The following MYO7B variants were observed in gnomAD, a reference collection of about 807,000 sequenced individuals.
MYO7B encodes myosin VIIB, also known as unconventional myosin-VIIb.
MYO7B carries 212 observed loss-of-function variants against 259.7 expected under a neutral mutation model. The ratio of observed to expected loss-of-function variants is 0.82; its 90% CI spans 0.73 to 0.91. The LOEUF is 0.91. Ranked by LOEUF, MYO7B falls within the 40% of genes least tolerant of loss-of-function variation. The probability of loss-of-function intolerance (pLI) is 0.00; values close to 1 mark genes in which losing one functional copy is unlikely to be tolerated. For synonymous variants in MYO7B, 1,197 were observed against 1,166.4 expected (o/e 1.03, Z -0.54); for missense variants, 2,732 against 2,813.5 (o/e 0.97, Z 0.66).
In MYO7B at chr2:127,578,304, C is replaced by G. The variant is rs76814301; in HGVS notation, c.1003+18C>G. The G allele has an allele frequency of 7.5e-4, 1,205 of 1,613,172 alleles. 7 individuals are homozygous for G. In the African/African-American group the frequency reaches 0.014, roughly 19 times the overall value. On this transcript the variant is annotated intron_variant, in intron 9 of 47. Transcript: ENST00000409816. Reference sequence around the variant, plus strand: ...GTTCATGGGTAATGCCGGTTCTGCCCCAACTGCACCCTTGGGGAGGGAGAG... The same window carrying G: ...GTTCATGGGTAATGCCGGTTCTGCCGCAACTGCACCCTTGGGGAGGGAGAG...
Position 127,588,501 on chromosome 2 carries a change from C to T in MYO7B, c.1800C>T (p.Thr600=). The T allele has an allele frequency of 6.2e-7, 1 of 1,613,256 alleles. No individual in the cohort carries two copies. ...TATTCAACTTGGAGTTAGCAGAGAC[C>T]AAGCTGGGCCATGGGACCATCCGCC... ...REIFNLELAE[T]KLGHGTIRQA... The change falls in exon 15 of 48, where the codon ACC becomes ACT. Residue 600 remains threonine, a synonymous_variant. Coordinates refer to ENST00000409816, the MANE Select transcript of MYO7B (RefSeq NM_001393586.1).
chr2:127,602,813 A>G (rs536927198), intron 19 of MYO7B, among the ~76,000 whole-genome samples: 11 of 152,302 alleles, frequency 7.2e-5, no homozygotes, highest in African/African-American at 2.6e-4. Flanking sequence ...AGCCTGAGCA[A>G]CATGGTGAAA....
chr2:127,606,709 T>C (rs1422658464), intron 20 of MYO7B, among the ~76,000 whole-genome samples: 1 of 152,238 alleles, frequency 6.6e-6, no homozygotes, highest in East Asian at 1.9e-4. Context: ...GCCCAGGGAC[T>C]GCTGTGGCCC....
chr2:127,570,624 T>G (rs1166098778), intron 6 of MYO7B, among the ~76,000 whole-genome samples: 2 of 152,214 alleles, frequency 1.3e-5, no homozygotes, highest in Admixed American at 1.3e-4. Context: ...ATAGTAAATA[T>G]TCACCTTTTT....
intron 42 of MYO7B, 77 bp from the exon 43 acceptor site, chr2:127,635,043 G>C: frequency 9.4e-6 from 11 of 1,174,684 alleles, no homozygotes; most frequent in Non-Finnish European, 1.4e-5. Flanking sequence ...GGCAGGCGCA[G>C]TGTGGGGGGT....
intron 26 of MYO7B, among the ~76,000 whole-genome samples, chr2:127,617,494 T>TCA (rs1680618276): frequency 1.6e-5 from 2 of 125,666 alleles, no homozygotes; most frequent in African/African-American, 6.4e-5. Context: ...GGGGTTTTTT[T>TCA]TTTTTTTTTT....
In MYO7B at chr2:127,559,812, G is replaced by A. The variant is rs571733176; in HGVS notation, c.18+72G>A. 1.6e-5 allele frequency: 25 copies of A among 1,526,956 alleles called. No individual in the cohort carries two copies. In the African/African-American group the frequency reaches 3.4e-4, roughly 21 times the overall value. The allele number at this position is 1,526,956 out of a possible 1,614,324, so 94.6% of individuals were successfully genotyped here. ...CAAGGCCAAGTTGAATCGCTCCCAAGGAAAGAGAGGAAAGGCAATGAGACC... is the reference window on the plus strand; with the variant it reads ...CAAGGCCAAGTTGAATCGCTCCCAAAGAAAGAGAGGAAAGGCAATGAGACC... On this transcript the variant is annotated intron_variant, in intron 2 of 47. Transcript: ENST00000409816. This position sits in a 1 kb window ranked among gnomAD's most constrained non-coding sequence, Gnocchi z 4.1.
chr2:127,577,175 G>A lies in MYO7B; in HGVS notation c.849+467G>A, dbSNP rs566906308. ...GCACCACAGCCATCGCTCATTAGCTGAGGCTCCCTGGCCCTCAGGAGAACT... is the reference window on the plus strand; with the variant it reads ...GCACCACAGCCATCGCTCATTAGCTAAGGCTCCCTGGCCCTCAGGAGAACT... On this transcript the variant is annotated intron_variant, in intron 8 of 47. Coordinates refer to ENST00000409816, the MANE Select transcript of MYO7B (RefSeq NM_001393586.1). This position sits in a 1 kb window ranked among gnomAD's most constrained non-coding sequence, Gnocchi z 5.2. 1.7e-4 allele frequency among the ~76,000 whole-genome samples: 26 copies of A among 152,164 alleles called. No homozygotes were observed. The highest frequency in any genetic ancestry group is 7.2e-4 in the Admixed American group (11 of 15,286).
rs1446627454 is a variant in MYO7B at position 127,585,836 on chromosome 2, G to A, written c.1690+923G>A. 1.3e-5 allele frequency among the ~76,000 whole-genome samples: 2 copies of A among 152,164 alleles called. No homozygotes were observed. Among genetic ancestry groups the A allele is most frequent in the Admixed American group, 6.5e-5 (1 of 15,280 alleles). ...CCCCCGATGGCTAATGATGTTGATCGCCTTTTCATATGCTTCTTGGCCATT... is the reference window on the plus strand; with the variant it reads ...CCCCCGATGGCTAATGATGTTGATCACCTTTTCATATGCTTCTTGGCCATT... On this transcript the variant is annotated intron_variant, in intron 14 of 47. Coordinates refer to ENST00000409816, the MANE Select transcript of MYO7B (RefSeq NM_001393586.1). This position sits in a 1 kb window ranked among gnomAD's most constrained non-coding sequence, Gnocchi z 4.3.
At chr2:127,544,781 C>T (rs1373943971) in intron 1 of MYO7B, among the ~76,000 whole-genome samples, 2 of 151,854 alleles carry the variant, frequency 1.3e-5, no homozygotes, top group Non-Finnish European at 2.9e-5. Context: ...GGGGTTTCAC[C>T]GTATTAGCCA....
intron 24 of MYO7B, among the ~76,000 whole-genome samples, chr2:127,610,400 G>T (rs1478433951): frequency 1.3e-5 from 2 of 152,182 alleles, no homozygotes; most frequent in East Asian, 1.9e-4. Context: ...ACCCTACAAG[G>T]TAGGGATGAC....
At chr2:127,631,852 C>A in intron 38 of MYO7B, 99 bp downstream of exon 38, 1 of 1,431,320 alleles carries the variant, frequency 7.0e-7, no homozygotes, top group Non-Finnish European at 9.4e-7. Flanking sequence ...CAGCTGGTGG[C>A]GGCAGAACCC....
chr2:127,625,391 G>A lies in MYO7B; in HGVS notation c.4071G>A (p.Leu1357=). ...FEKEEELVEL[L]ARHCYVQLGA... ...AGGAGGAAGAGCTGGTTGAGCTGCTGGCCCGGCACTGCTACGTGCAGCTCG... is the reference window on the plus strand; with the variant it reads ...AGGAGGAAGAGCTGGTTGAGCTGCTAGCCCGGCACTGCTACGTGCAGCTCG... Residue 1357 remains leucine (L), a synonymous_variant, in exon 31 of 48, where the codon CTG becomes CTA. Coordinates refer to ENST00000409816, the MANE Select transcript of MYO7B (RefSeq NM_001393586.1). 1 of 1,598,202 alleles carries A rather than the reference G, an allele frequency of 6.3e-7. No individual in the cohort carries two copies. The highest frequency in any genetic ancestry group is 1.3e-5 in the African/African-American group (1 of 74,550).
At chr2:127,624,907 G>C (rs568252104) in intron 30 of MYO7B, among the ~76,000 whole-genome samples, 13 of 152,206 alleles carry the variant, frequency 8.5e-5, no homozygotes, top group Admixed American at 7.8e-4. Context: ...TAGCAGTGCA[G>C]GAAGCCCGCC....
rs578016949 is a variant in MYO7B, at chr2:127,604,026, G to A, written c.2340-1818G>A. On this transcript the variant is annotated intron_variant, in intron 19 of 47. Transcript: ENST00000409816. Reference sequence around the variant, plus strand: ...TGGAAGCCTGTAGTCCCAGCTACTCGGGAGGCTGAGGCAGGAGAATCGCTT... The same window carrying A: ...TGGAAGCCTGTAGTCCCAGCTACTCAGGAGGCTGAGGCAGGAGAATCGCTT... Among the ~76,000 whole-genome samples, 7 of 152,248 alleles carry A rather than the reference G, an allele frequency of 4.6e-5. No individual in the cohort carries two copies. The East Asian group carries it at 7.7e-4, about 17-fold the overall frequency.
chr2:127,575,615 A>T (rs959760154), intron 7 of MYO7B, among the ~76,000 whole-genome samples: 1 of 152,218 alleles, frequency 6.6e-6, no homozygotes, highest in Admixed American at 6.5e-5. Context: ...TTATAGATAT[A>T]CTATAAGTAA....
Position 127,608,704 on chromosome 2 carries a change from G to A in MYO7B, c.2644-4G>A. On this transcript the variant is annotated splice_polypyrimidine_tract_variant and splice_region_variant and intron_variant, in intron 21 of 47. Coordinates refer to ENST00000409816, the MANE Select transcript of MYO7B (RefSeq NM_001393586.1). The stretch of plus-strand genomic sequence containing the variant: ...TGGGTAACCTTCCTCCACGGGGTAT[G>A]CAGGCGCCGCTGGTCATCCCGGCCG... 1 of 1,609,744 alleles carries A rather than the reference G, an allele frequency of 6.2e-7. No individual in the cohort carries two copies. The highest frequency in any genetic ancestry group is 8.5e-7 in the Non-Finnish European group (1 of 1,177,558).
chr2:127,537,704 G>A (rs1692841224), intron 1 of MYO7B, among the ~76,000 whole-genome samples: 1 of 151,674 alleles, frequency 6.6e-6, no homozygotes. Context: ...AGGAGGAGGA[G>A]GAGGGGGAGG....
intron 1 of MYO7B, among the ~76,000 whole-genome samples, chr2:127,544,208 C>G (rs1421435741): frequency 1.3e-5 from 2 of 152,134 alleles, no homozygotes; most frequent in African/African-American, 4.8e-5. Context: ...TCTCAAGTAG[C>G]TGGGACCACA....
Sources: allele counts gnomAD v4.1 joint callset (sites outside exome capture counted in the v4.1 genomes callset), GRCh38; gene constraint gnomAD v4.1.1; non-coding constraint Gnocchi (gnomAD v3.1); transcripts MANE v1.5; gene names NCBI Gene and HGNC (gene_info 2026-07-23, HGNC 2026-07-21).